Variants in SP4 observed in about 807,000 individuals in gnomAD.
The protein encoded by SP4 is transcription factor Sp4.
SP4 carries 19 observed loss-of-function variants against 72.8 expected under a neutral mutation model. The ratio of observed to expected loss-of-function variants is 0.26; its 90% CI spans 0.18 to 0.38. The LOEUF (loss-of-function observed/expected upper bound fraction) is 0.38, where lower values mean the gene tolerates loss of function less well. SP4 is among the 10% of genes least tolerant of loss of function. The probability of loss-of-function intolerance (pLI) is 1.00; values close to 1 mark genes in which losing one functional copy is unlikely to be tolerated. For synonymous variants in SP4, 395 were observed against 333.1 expected (o/e 1.19, Z -2.02); for missense variants, 1,008 against 926.3 (o/e 1.09, Z -1.14).
At chr7:21,496,544 A>G (rs1371239982) in intron 5 of SP4, among the ~76,000 whole-genome samples, 4 of 151,974 alleles carry the variant, frequency 2.6e-5, no homozygotes, top group Non-Finnish European at 5.9e-5. Flanking sequence ...AAATGTAGTT[A>G]CTCTTGCTGC....
intron 3 of SP4, among the ~76,000 whole-genome samples, chr7:21,459,408 C>G (rs572925327): frequency 6.6e-6 from 1 of 152,098 alleles, no homozygotes; most frequent in Non-Finnish European, 1.5e-5. Flanking sequence ...TGTGAGCCAC[C>G]GTGTTTTGGA....
chr7:21,494,577 T>C (rs1785060496), intron 5 of SP4, among the ~76,000 whole-genome samples: 1 of 152,126 alleles, frequency 6.6e-6, no homozygotes, highest in African/African-American at 2.4e-5. Context: ...TAACAAAATA[T>C]ATGCAAGACA....
chr7:21,474,471 A>T (rs1381562388), intron 3 of SP4, among the ~76,000 whole-genome samples: 1 of 152,222 alleles, frequency 6.6e-6, no homozygotes, highest in Non-Finnish European at 1.5e-5. Flanking sequence ...AAGTGTGTGT[A>T]TCACTGTGCT....
chr7:21,439,358 A>G (rs1783157021), intron 3 of SP4, among the ~76,000 whole-genome samples: 1 of 152,040 alleles, frequency 6.6e-6, no homozygotes, highest in Non-Finnish European at 1.5e-5. Flanking sequence ...TATTTGTATA[A>G]ATTTGTTGGG....
intron 4 of SP4, among the ~76,000 whole-genome samples, chr7:21,478,184 T>C (rs546402893): frequency 1.3e-5 from 2 of 152,206 alleles, no homozygotes; most frequent in African/African-American, 4.8e-5. Flanking sequence ...CATATTACAG[T>C]ATGATCAATA....
chr7:21,430,097 C>T lies in SP4; in HGVS notation c.932C>T (p.Ala311Val). 1.2e-6 allele frequency: 2 copies of T among 1,614,106 alleles called. No individual in the cohort carries two copies. The highest frequency in any genetic ancestry group is 1.7e-6 in the Non-Finnish European group (2 of 1,179,944). The change falls in exon 3 of 6, where the codon GCC (alanine) becomes GTC (valine). Residue 311 changes from alanine (A) to valine (V), a missense_variant. Transcript: ENST00000222584. Reference protein sequence around the residue: ...VSTPTNTTTSASTMPESPSSS... With the variant: ...VSTPTNTTTSVSTMPESPSSS... ...ACACCCACCAACACCACTACTTCTG[C>T]CAGTACTATGCCAGAATCTCCCTCC...
chr7:21,486,898 A>C (rs937169446), intron 5 of SP4, among the ~76,000 whole-genome samples: 1 of 152,168 alleles, frequency 6.6e-6, no homozygotes, highest in African/African-American at 2.4e-5. Flanking sequence ...ACTATTTTAG[A>C]GGAGTTTGGG....
chr7:21,440,264 C>T (rs1219855106), intron 3 of SP4, among the ~76,000 whole-genome samples: 1 of 151,948 alleles, frequency 6.6e-6, no homozygotes, highest in Non-Finnish European at 1.5e-5. Flanking sequence ...TTCTTTACCT[C>T]ATAGAGTCTC....
chr7:21,505,650 C>T (rs141193473), intron 5 of SP4, among the ~76,000 whole-genome samples: 11 of 152,294 alleles, frequency 7.2e-5, no homozygotes, highest in African/African-American at 2.6e-4. Context: ...GAACCACTTA[C>T]GTTCATAGGG....
chr7:21,430,191 A>G lies in SP4; in HGVS notation c.1026A>G (p.Ala342=). The change falls in exon 3 of 6, where the codon GCA becomes GCG. Residue 342 remains alanine, a synonymous_variant. Transcript: ENST00000222584. ...LTSSDTLVSS[A]DTGQYASTSA... is the part of the protein sequence containing the mutation. Reference sequence around the variant, plus strand: ...GCAGTGACACATTAGTGAGCTCAGCAGATACTGGCCAGTATGCAAGCACAT... The same window carrying G: ...GCAGTGACACATTAGTGAGCTCAGCGGATACTGGCCAGTATGCAAGCACAT... 6.2e-7 allele frequency: 1 copy of G among 1,614,202 alleles called. No homozygotes were observed. The highest frequency in any genetic ancestry group is 8.5e-7 in the Non-Finnish European group (1 of 1,180,034).
At chr7:21,462,775 C>G (rs1434086862) in intron 3 of SP4, among the ~76,000 whole-genome samples, 1 of 151,462 alleles carries the variant, frequency 6.6e-6, no homozygotes, top group Non-Finnish European at 1.5e-5. Context: ...AAGTGAGAAC[C>G]ATCAGAGAAA....
intron 3 of SP4, among the ~76,000 whole-genome samples, chr7:21,431,491 A>G (rs1216214936): frequency 2.0e-5 from 3 of 152,238 alleles, no homozygotes; most frequent in East Asian, 3.8e-4. Context: ...ATTTAATTAA[A>G]TCATGGTCAT....
At chr7:21,465,727 A>G (rs533142908) in intron 3 of SP4, among the ~76,000 whole-genome samples, 34 of 152,216 alleles carry the variant, frequency 2.2e-4, no homozygotes, top group South Asian at 6.2e-4. Flanking sequence ...TTAGCTGGGT[A>G]TGGTGGCACT....
At chr7:21,489,054 T>G (rs935071652) in intron 5 of SP4, among the ~76,000 whole-genome samples, 1 of 152,214 alleles carries the variant, frequency 6.6e-6, no homozygotes, top group Non-Finnish European at 1.5e-5. Context: ...GAAAAAATCC[T>G]TTTCAAAAGA....
At chr7:21,480,095 C>T (rs373642895) in intron 4 of SP4, among the ~76,000 whole-genome samples, 4 of 152,164 alleles carry the variant, frequency 2.6e-5, no homozygotes, top group African/African-American at 9.6e-5. Context: ...TTCTACTCTG[C>T]AGGAGTTCTG....
intron 3 of SP4, among the ~76,000 whole-genome samples, chr7:21,432,835 A>C (rs375237206): frequency 1.8e-4 from 27 of 152,244 alleles, no homozygotes; most frequent in East Asian, 1.5e-3. Flanking sequence ...CTCTACAAAA[A>C]ATTTAAAAAA....
rs752336759 is a variant in SP4 at position 21,430,568 on chromosome 7, G to C, written c.1403G>C (p.Ser468Thr). The C allele has an allele frequency of 6.2e-7, 1 of 1,614,230 alleles. No homozygotes were observed. Among genetic ancestry groups the C allele is most frequent in the Non-Finnish European group, 8.5e-7 (1 of 1,180,040 alleles). ...APTLTPSGQI[S>T]WQTVQVQNIQ... ...ACTTTAACACCTTCAGGGCAAATCA[G>C]TTGGCAAACTGTACAGGTTCAGAAT... Residue 468 changes from serine (S) to threonine (T), a missense_variant, in exon 3 of 6, where the codon AGT becomes ACT. Coordinates refer to ENST00000222584, the MANE Select transcript of SP4 (RefSeq NM_003112.5).
chr7:21,511,451 A>T lies in SP4; in HGVS notation c.*182A>T. On this transcript the variant is annotated 3_prime_UTR_variant, in exon 6 of 6. Transcript: ENST00000222584. ...TTGAATTTTAAAAAATACAAAAAGC[A>T]GACTGATGTACTGGAAACAGAAAAG... The T allele has an allele frequency of 3.3e-6, 2 of 601,218 alleles. No homozygotes were observed. The highest frequency in any genetic ancestry group is 5.8e-6 in the Non-Finnish European group (2 of 347,266). 37.2% of individuals were successfully genotyped at this position (601,218 alleles called of 1,614,324 possible). A position where few individuals can be genotyped will look rare whatever the true frequency, so the allele number is the denominator to read the frequency against.
At chr7:21,492,395 A>G (rs1785002924) in intron 5 of SP4, among the ~76,000 whole-genome samples, 1 of 152,222 alleles carries the variant, frequency 6.6e-6, no homozygotes, top group African/African-American at 2.4e-5. Context: ...ACAGCGCTCC[A>G]AAATCTGAAA....
Sources: gnomAD v4.1 joint callset for allele counts (sites outside exome capture counted in the v4.1 genomes callset) on GRCh38, gnomAD v4.1.1 for gene constraint, MANE v1.5 for transcripts, NCBI Gene and HGNC (gene_info 2026-07-23, HGNC 2026-07-21) for gene names.